Variants in DCST1 observed in about 807,000 individuals in gnomAD.
DCST1 encodes E3 ubiquitin-protein ligase DCST1.
DCST1 carries 78 observed loss-of-function variants against 89.1 expected under a neutral mutation model. The ratio of observed to expected loss-of-function variants is 0.88; its 90% confidence interval spans 0.73 to 1.06. The LOEUF (loss-of-function observed/expected upper bound fraction) is 1.06, where lower values mean the gene tolerates loss of function less well. DCST1 is among the 50% of genes least tolerant of loss of function. The pLI is 0.00. For synonymous variants in DCST1, 364 were observed against 371.9 expected (o/e 0.98, Z 0.24); for missense variants, 900 against 928.6 (o/e 0.97, Z 0.40).
intron 2 of DCST1, 94 bp from the exon 3 acceptor site, chr1:155,034,341 T>G (rs777113736): frequency 1.2e-6 from 2 of 1,607,666 alleles, no homozygotes; most frequent in Non-Finnish European, 1.7e-6. Flanking sequence ...ATGCCAGGTT[T>G]CCCCAGCCTC....
Position 155,046,488 on chromosome 1 carries a change from T to C in DCST1, c.1495+2T>C. Reference sequence around the variant, plus strand: ...CCTTCCTGCAGTACTCCTTCCGCAGTAAGCCCATCCCCCAGACACATTCCA... The same window carrying C: ...CCTTCCTGCAGTACTCCTTCCGCAGCAAGCCCATCCCCCAGACACATTCCA... On this transcript the variant is annotated splice_donor_variant, in intron 13 of 16. Transcript: ENST00000295542. LOFTEE classifies it high-confidence loss of function. The C allele has an allele frequency of 6.2e-7, 1 of 1,613,490 alleles. No individual in the cohort carries two copies.
At chr1:155,046,924 T>TC (rs1484639338) in intron 13 of DCST1, among the ~76,000 whole-genome samples, 2 of 152,150 alleles carry the variant, frequency 1.3e-5, no homozygotes, top group Non-Finnish European at 2.9e-5. Context: ...CCTGTTCTTT[T>TC]CCCCTTTCTG....
At chr1:155,049,886 C>A (rs1660827633) in intron 16 of DCST1, among the ~76,000 whole-genome samples, 1 of 152,182 alleles carries the variant, frequency 6.6e-6, no homozygotes, top group Non-Finnish European at 1.5e-5. Context: ...ACAGTCATTC[C>A]AAGCAGAATG....
intron 16 of DCST1, among the ~76,000 whole-genome samples, chr1:155,049,622 G>C (rs1310651841): frequency 6.6e-6 from 1 of 151,978 alleles, no homozygotes; most frequent in Non-Finnish European, 1.5e-5. Context: ...CTTAGTACAG[G>C]ACCTGACATT....
intron 10 of DCST1, 57 bp downstream of exon 10, chr1:155,043,566 C>T (rs1219042339): frequency 6.6e-7 from 1 of 1,508,254 alleles, no homozygotes; most frequent in Non-Finnish European, 8.8e-7. Context: ...GGAGCCCTGC[C>T]CTGAGGGAGG....
Position 155,050,704 on chromosome 1 carries a change from G to C in DCST1, c.1957G>C (p.Glu653Gln), listed in dbSNP as rs369584482. Residue 653 changes from glutamate to glutamine, a missense_variant, in exon 17 of 17, where the codon GAG becomes CAG. Transcript: ENST00000295542. The part of the protein sequence containing the change: ...CRRCVVCQAP[E>Q]TPESYVCRTL... Reference sequence around the variant, plus strand: ...GCGCTGCGTGGTGTGCCAGGCACCCGAGACGCCCGAGTCCTACGTGTGCCG... The same window carrying C: ...GCGCTGCGTGGTGTGCCAGGCACCCCAGACGCCCGAGTCCTACGTGTGCCG... The C allele has an allele frequency of 6.2e-7, 1 of 1,607,090 alleles. No individual in the cohort carries two copies. Among genetic ancestry groups the C allele is most frequent in the South Asian group, 1.1e-5 (1 of 90,186 alleles).
At position 155,044,480 on chromosome 1, in the gene DCST1, C is replaced by CAAA. The variant is rs57888793; in HGVS notation, c.1172+992_1172+994dup. ...CTGGTGTCAGAGTGAGAGCTTGTCTCAAAAAAAAAAAAAAAAAAAAAAAGC... is the reference window on the plus strand; with the variant it reads ...CTGGTGTCAGAGTGAGAGCTTGTCTCAAAAAAAAAAAAAAAAAAAAAAAAAAGC... On this transcript the variant is annotated intron_variant, in intron 10 of 16. Transcript: ENST00000295542. Among the ~76,000 whole-genome samples the CAAA allele has an allele frequency of 4.8e-3, 304 of 62,844 alleles. 7 individuals are homozygous for CAAA. Among genetic ancestry groups the CAAA allele is most frequent in the East Asian group, 0.017 (39 of 2,252 alleles). The allele number at this position is 62,844 out of a possible 152,430, so 41.2% of individuals were successfully genotyped here.
chr1:155,045,578 T>C (rs1401083029), intron 10 of DCST1: 7 of 404,754 alleles, frequency 1.7e-5, no homozygotes, highest in Non-Finnish European at 2.8e-5. Context: ...TGCCTGTCCC[T>C]ACCTCAGATG....
At chr1:155,034,189 G>A in intron 2 of DCST1, 92 bp downstream of exon 2, 3 of 1,566,006 alleles carry the variant, frequency 1.9e-6, no homozygotes, top group Non-Finnish European at 2.6e-6. Context: ...CCCCAACTCG[G>A]TGTCCGCGCC....
chr1:155,047,776 C>T lies in DCST1; in HGVS notation c.1613-11C>T. ...GGTCCTGACCAGACCCCTGGCCTGCCCCTCCCCTAGCCTGCCTGCCCCAGC... is the reference window on the plus strand; with the variant it reads ...GGTCCTGACCAGACCCCTGGCCTGCTCCTCCCCTAGCCTGCCTGCCCCAGC... On this transcript the variant is annotated splice_polypyrimidine_tract_variant and intron_variant, in intron 14 of 16. Transcript: ENST00000295542. 1 of 1,612,758 alleles carries T rather than the reference C, an allele frequency of 6.2e-7. No homozygotes were observed. Among genetic ancestry groups the T allele is most frequent in the Non-Finnish European group, 8.5e-7 (1 of 1,179,826 alleles).
intron 12 of DCST1, 63 bp from the exon 13 acceptor site, chr1:155,046,297 G>A: frequency 6.2e-7 from 1 of 1,614,026 alleles, no homozygotes; most frequent in Non-Finnish European, 8.5e-7. Context: ...AAAGGCACCA[G>A]AGAGTGCTCC....
intron 16 of DCST1, among the ~76,000 whole-genome samples, chr1:155,049,572 G>A (rs780167761): frequency 6.4e-4 from 97 of 152,140 alleles, no homozygotes; most frequent in Non-Finnish European, 5.3e-4. Context: ...ACACTACCAC[G>A]CCCGGCTAAT....
intron 4 of DCST1, among the ~76,000 whole-genome samples, chr1:155,037,203 C>T (rs1015739738): frequency 6.6e-6 from 1 of 152,164 alleles, no homozygotes; most frequent in Admixed American, 6.5e-5. Context: ...GCTCTCCCTC[C>T]ACTCTGTGCT....
At position 155,050,774 on chromosome 1, in the gene DCST1, A is replaced by C. The variant is rs1435048631; in HGVS notation, c.2027A>C (p.Asp676Ala). The C allele has an allele frequency of 6.2e-7, 1 of 1,611,780 alleles. No individual in the cohort carries two copies. The highest frequency in any genetic ancestry group is 2.2e-5 in the East Asian group (1 of 44,798). Residue 676 changes from aspartate (D) to alanine (A), a missense_variant, in exon 17 of 17, where the codon GAC becomes GCC. Physicochemically the swap from Asp to Ala is moderately radical, Grantham distance 126. Transcript: ENST00000295542. ...GTGTACTGCTGGTCGTGCTGGGACG[A>C]CATGCGGCAGCGGTGCCCGGTCTGC... is the stretch of plus-strand genomic sequence containing the variant. Reference protein sequence around the residue: ...EAVYCWSCWDDMRQRCPVCTP... With the variant: ...EAVYCWSCWDAMRQRCPVCTP...
At chr1:155,041,322 G>T (rs1660433874) in intron 6 of DCST1, 75 bp from the exon 7 acceptor site, 5 of 1,496,976 alleles carry the variant, frequency 3.3e-6, no homozygotes, top group Middle Eastern at 3.9e-4. Context: ...GCTACTGGGG[G>T]AGGACAGGCC....
Position 155,042,718 on chromosome 1 carries a change from C to G in DCST1, c.893-17C>G. 6.2e-7 allele frequency: 1 copy of G among 1,613,988 alleles called. No individual in the cohort carries two copies. The highest frequency in any genetic ancestry group is 1.3e-5 in the African/African-American group (1 of 75,034). On this transcript the variant is annotated splice_polypyrimidine_tract_variant and intron_variant, in intron 8 of 16. Transcript: ENST00000295542. ...ACAGGCCCGGGGAGGCCCCTGACCCCGTCCACTGTTCACCAGTGATGGAGG... is the reference window on the plus strand; with the variant it reads ...ACAGGCCCGGGGAGGCCCCTGACCCGGTCCACTGTTCACCAGTGATGGAGG...
At chr1:155,042,622 G>A in intron 8 of DCST1, 113 bp from the exon 9 acceptor site, 1 of 1,447,662 alleles carries the variant, frequency 6.9e-7, no homozygotes, top group South Asian at 1.2e-5. Context: ...AGCAAGCCAT[G>A]GGCAGAGAGA....
In DCST1 at chr1:155,046,150, G is replaced by A. The variant is rs1292805859; in HGVS notation, c.1298G>A (p.Arg433His). ...GGCAAACGGACTCTGCTGCCACTCC[G>A]CAAAGCTGAGGAGAAAACCGTCATC... ...KLGKRTLLPL[R>H]KAEEKTVIFP... Residue 433 changes from arginine to histidine, a missense_variant, in exon 12 of 17, where the codon CGC (arginine) becomes CAC (histidine). Physicochemically the swap from Arg to His is conservative, Grantham distance 29 (BLOSUM62 0). Coordinates refer to ENST00000295542, the MANE Select transcript of DCST1 (RefSeq NM_152494.4). 13 of 1,614,200 alleles carry A rather than the reference G, an allele frequency of 8.1e-6. No homozygotes were observed. Among genetic ancestry groups the A allele is most frequent in the African/African-American group, 2.7e-5 (2 of 75,030 alleles).
chr1:155,047,664 G>A, intron 14 of DCST1, 123 bp from the exon 15 acceptor site: 2 of 841,702 alleles, frequency 2.4e-6, no homozygotes, highest in South Asian at 1.6e-5. Flanking sequence ...GCAGTGAGGG[G>A]CAGGCAGGAG....
Sources: allele counts gnomAD v4.1 joint callset (sites outside exome capture counted in the v4.1 genomes callset), GRCh38; gene constraint gnomAD v4.1.1; transcripts MANE v1.5; gene names NCBI Gene and HGNC (gene_info 2026-07-23, HGNC 2026-07-21).